OCLN: variants seen among roughly 807,000 people sequenced by gnomAD.
OCLN encodes the protein occludin.
OCLN carries 21 observed loss-of-function variants against 47.9 expected under a neutral mutation model. The observed-to-expected ratio is 0.44, with a 90% CI of 0.31 to 0.63. The LOEUF is 0.63. OCLN is among the 30% of genes least tolerant of loss of function. OCLN has a pLI of 0.08. For missense variants in OCLN, 360 were observed against 571.0 expected (o/e 0.63, Z 3.77); for synonymous variants, 117 against 198.4 (o/e 0.59, Z 3.45).
At position 69,554,401 on chromosome 5, in the gene OCLN, C is replaced by G. The variant is rs943218525; in HGVS notation, c.*730C>G. 3 of 151,954 alleles carry G rather than the reference C, an allele frequency of 2.0e-5. No individual in the cohort carries two copies. Among genetic ancestry groups the G allele is most frequent in the African/African-American group, 7.3e-5 (3 of 41,336 alleles). The allele number at this position is 151,954 out of a possible 1,614,324, so 9.4% of individuals were successfully genotyped here. A position where few individuals can be genotyped will look rare whatever the true frequency, so the allele number is the denominator to read the frequency against. ...TTAGAATTTTGTGTGTTTTTAAATA[C>G]TTTTTATCTTTTTGCATGCCTTTTT... On this transcript the variant is annotated 3_prime_UTR_variant, in exon 9 of 9. Coordinates refer to ENST00000396442, the MANE Select transcript of OCLN (RefSeq NM_001205254.2).
In OCLN at chr5:69,538,021, T is replaced by A. The variant is rs1405580457; in HGVS notation, c.1037+3182T>A. On this transcript the variant is annotated intron_variant, in intron 5 of 8. Coordinates refer to ENST00000396442, the MANE Select transcript of OCLN (RefSeq NM_001205254.2). ...TCCTGTTTCAACTCTTTTTTTTTTT[T>A]AATAAGTTGAAGGAATCTAATAAAA... 4.0e-5 allele frequency among the ~76,000 whole-genome samples: 3 copies of A among 75,630 alleles called. 1 individual carries two copies. Among genetic ancestry groups the A allele is most frequent in the African/African-American group, 5.7e-5 (1 of 17,396 alleles). The allele number at this position is 75,630 out of a possible 152,430, so 49.6% of individuals were successfully genotyped here. A position where few individuals can be genotyped will look rare whatever the true frequency, so the allele number is the denominator to read the frequency against.
At chr5:69,533,012 T>TGTGTGTGC (rs1447580654) in intron 4 of OCLN, among the ~76,000 whole-genome samples, 13,026 of 147,434 alleles carry the variant, frequency 0.088, 698 homozygotes, top group Middle Eastern at 0.12. Flanking sequence ...TGTGTGTGTG[T>TGTGTGTGC]GTGTGTGTGT....
chr5:69,554,413 T>A lies in OCLN; in HGVS notation c.*742T>A, dbSNP rs1479858612. The stretch of plus-strand genomic sequence containing the variant: ...GTGTTTTTAAATACTTTTTATCTTT[T>A]TGCATGCCTTTTTTAAAAAACCAAC... On this transcript the variant is annotated 3_prime_UTR_variant, in exon 9 of 9. Coordinates refer to ENST00000396442, the MANE Select transcript of OCLN (RefSeq NM_001205254.2). The A allele has an allele frequency of 6.6e-6, 1 of 152,150 alleles. No homozygotes were observed. The highest frequency in any genetic ancestry group is 1.5e-5 in the Non-Finnish European group (1 of 68,042). The allele number at this position is 152,150 out of a possible 1,614,324, so 9.4% of individuals were successfully genotyped here.
intron 1 of OCLN, among the ~76,000 whole-genome samples, chr5:69,497,080 G>A (rs1768312999): frequency 6.6e-6 from 1 of 152,174 alleles, no homozygotes; most frequent in South Asian, 2.1e-4. Flanking sequence ...GACCTTAGAA[G>A]TCTTCCAGTC....
In OCLN at chr5:69,509,247, C is replaced by A; in HGVS notation, c.157C>A (p.Leu53Ile). Residue 53 changes from leucine to isoleucine, a missense_variant, in exon 3 of 9, where the codon CTT becomes ATT. Physicochemically the swap from Leu to Ile is conservative, Grantham distance 5. Around this residue, in one of 3 missense-constraint regions of OCLN, gnomAD observed 314 missense variants for 368.1 expected, o/e 0.85. Transcript: ENST00000396442. ...CTCTTTTTACCCAGAAGATGAAATTCTTCACTTCTACAAATGGACCTCTCC... is the reference window on the plus strand; with the variant it reads ...CTCTTTTTACCCAGAAGATGAAATTATTCACTTCTACAAATGGACCTCTCC... ...AYSFYPEDEI[L>I]HFYKWTSPPG... 1 of 1,614,178 alleles carries A rather than the reference C, an allele frequency of 6.2e-7. No individual in the cohort carries two copies. The highest frequency in any genetic ancestry group is 1.1e-5 in the South Asian group (1 of 91,082).
At chr5:69,517,389 CA>C (rs1769004539) in intron 4 of OCLN, among the ~76,000 whole-genome samples, 1 of 151,274 alleles carries the variant, frequency 6.6e-6, no homozygotes, top group Admixed American at 6.6e-5. Context: ...TGGCTCACTG[CA>C]ACCTCCGCCT....
chr5:69,509,303 C>T lies in OCLN; in HGVS notation c.213C>T (p.Leu71=). 2 of 1,614,212 alleles carry T rather than the reference C, an allele frequency of 1.2e-6. No individual in the cohort carries two copies. Among genetic ancestry groups the T allele is most frequent in the Middle Eastern group, 1.6e-4 (1 of 6,062 alleles). Residue 71 remains leucine (L), a synonymous_variant, in exon 3 of 9, where the codon CTC becomes CTT. Transcript: ENST00000396442. ...GAGTGATTCGGATCCTGTCTATGCT[C>T]ATTATTGTGATGTGCATTGCCATCT... ...PPGVIRILSM[L]IIVMCIAIFA...
chr5:69,554,485 A>G lies in OCLN; in HGVS notation c.*814A>G, dbSNP rs1295191584. ...AATATCTGATTACATTTATAATTCA[A>G]TTGTGACTTGAACTGTATCTTACAG... On this transcript the variant is annotated 3_prime_UTR_variant, in exon 9 of 9. Transcript: ENST00000396442. 4 of 152,040 alleles carry G rather than the reference A, an allele frequency of 2.6e-5. No individual in the cohort carries two copies. Among genetic ancestry groups the G allele is most frequent in the South Asian group, 4.1e-4 (2 of 4,832 alleles). The allele number at this position is 152,040 out of a possible 1,614,324, so 9.4% of individuals were successfully genotyped here.
rs1768214580 is a variant in OCLN at position 69,493,833 on chromosome 5, A to C, written c.-69+933A>C. On this transcript the variant is annotated intron_variant, in intron 1 of 8. Coordinates refer to ENST00000396442, the MANE Select transcript of OCLN (RefSeq NM_001205254.2). The surrounding 1 kb of genome is among the most constrained non-coding windows in gnomAD (Gnocchi z 5.3). ...TGCGGGGAGCAGGGGTCGAGGGCCAAGATGGCCTCTGCGCCTAGGGGTTGG... is the reference window on the plus strand; with the variant it reads ...TGCGGGGAGCAGGGGTCGAGGGCCACGATGGCCTCTGCGCCTAGGGGTTGG... Among the ~76,000 whole-genome samples the C allele has an allele frequency of 2.0e-5, 3 of 152,162 alleles. No homozygotes were observed. Among genetic ancestry groups the C allele is most frequent in the Admixed American group, 2.0e-4 (3 of 15,280 alleles).
chr5:69,522,754 G>T (rs2112025480), intron 4 of OCLN, among the ~76,000 whole-genome samples: 1 of 151,728 alleles, frequency 6.6e-6, no homozygotes, highest in East Asian at 1.9e-4. Context: ...TTGAGGCAAG[G>T]TCTCACTCTG....
At chr5:69,515,561 A>G (rs1157081729) in intron 4 of OCLN, among the ~76,000 whole-genome samples, 3 of 119,126 alleles carry the variant, frequency 2.5e-5, no homozygotes, top group South Asian at 3.3e-4. Flanking sequence ...TCCCTCCCGG[A>G]CGGGGCGGCT....
intron 5 of OCLN, among the ~76,000 whole-genome samples, chr5:69,537,510 G>A (rs1235336562): frequency 1.7e-4 from 1 of 5,772 alleles, no homozygotes; most frequent in Admixed American, 1.2e-3. Context: ...TTACAGGCAT[G>A]AGCCACCATG....
At chr5:69,510,326 T>C (rs1160317461) in intron 3 of OCLN, among the ~76,000 whole-genome samples, 1 of 152,196 alleles carries the variant, frequency 6.6e-6, no homozygotes, top group Non-Finnish European at 1.5e-5. Flanking sequence ...AATATTCCAG[T>C]GTGTGGATAA....
intron 4 of OCLN, among the ~76,000 whole-genome samples, chr5:69,526,030 C>G (rs1226570464): frequency 6.6e-6 from 1 of 152,144 alleles, no homozygotes; most frequent in Non-Finnish European, 1.5e-5. Context: ...AGACCCTTAA[C>G]TTGTAGGTCT....
chr5:69,513,811 C>T, intron 3 of OCLN, 137 bp from the exon 4 acceptor site: 1 of 775,502 alleles, frequency 1.3e-6, no homozygotes, highest in South Asian at 1.5e-5. Context: ...TAACTATTTG[C>T]TTCAGTTTTC....
chr5:69,523,975 C>G (rs1769212455), intron 4 of OCLN, among the ~76,000 whole-genome samples: 1 of 152,104 alleles, frequency 6.6e-6, no homozygotes, highest in South Asian at 2.1e-4. Flanking sequence ...ATGGTGAAAC[C>G]CTGTCTCTAC....
At chr5:69,550,644 AT>A (rs1769842683) in intron 7 of OCLN, among the ~76,000 whole-genome samples, 1 of 99,980 alleles carries the variant, frequency 1.0e-5, no homozygotes, top group Non-Finnish European at 2.1e-5. Context: ...TGCACATCTC[AT>A]TAAATATTCT....
intron 4 of OCLN, among the ~76,000 whole-genome samples, chr5:69,530,214 C>A (rs61396502): frequency 0.18 from 27,384 of 152,076 alleles, 3,242 homozygotes; most frequent in African/African-American, 0.34. Context: ...AAATATTTTT[C>A]TTTTCCTTTT....
intron 4 of OCLN, among the ~76,000 whole-genome samples, chr5:69,527,245 C>T (rs1769306160): frequency 6.6e-6 from 1 of 151,800 alleles, no homozygotes; most frequent in African/African-American, 2.4e-5. Context: ...CCACTGCACT[C>T]CAGCCTGGGT....
Sources: gnomAD v4.1 joint callset for allele counts (sites outside exome capture counted in the v4.1 genomes callset) on GRCh38, gnomAD v4.1.1 for gene constraint, gnomAD v4.1.1 regional missense constraint, Gnocchi (gnomAD v3.1) non-coding constraint, MANE v1.5 for transcripts, NCBI Gene and HGNC (gene_info 2026-07-23, HGNC 2026-07-21) for gene names.